ST3GAL3: variants seen among roughly 807,000 people sequenced by gnomAD.
ST3GAL3 encodes the protein ST3 beta-galactoside alpha-2,3-sialyltransferase 3, also known as CMP-N-acetylneuraminate-beta-1,4-galactoside alpha-2,3-sialyltransferase.
ST3GAL3 carries 21 observed loss-of-function variants against 50.1 expected under a neutral mutation model. That is an observed-to-expected ratio of 0.42 (90% CI 0.30 to 0.60). ST3GAL3 has a LOEUF of 0.60. ST3GAL3 is among the 20% of genes least tolerant of loss of function. The pLI, the probability that ST3GAL3 is intolerant of heterozygous loss-of-function variation, is 0.19. For synonymous variants in ST3GAL3, 183 were observed against 190.0 expected (o/e 0.96, Z 0.30); for missense variants, 353 against 489.4 (o/e 0.72, Z 2.63).
At chr1:43,736,141 A>G in intron 1 of ST3GAL3, 92 bp from the exon 2 acceptor site, 2 of 1,247,710 alleles carry the variant, frequency 1.6e-6, no homozygotes, top group South Asian at 2.4e-5. Context: ...GTTATTCTTC[A>G]TTTGGAAATT....
In ST3GAL3 at chr1:43,792,128, G is replaced by T. The variant is rs756909492; in HGVS notation, c.145G>T (p.Ala49Ser). ...TTCAGTGGTTCTTTCCTTTGACTCC[G>T]CTGGACAAACACTAGGCTCAGGTAC... ...SNSVVLSFDS[A>S]GQTLGSEYDR... Residue 49 changes from alanine to serine, a missense_variant, in exon 3 of 12, where the codon GCT becomes TCT. Coordinates refer to ENST00000347631, the MANE Select transcript of ST3GAL3 (RefSeq NM_006279.5). The T allele has an allele frequency of 1.2e-6, 2 of 1,614,034 alleles. No homozygotes were observed. The highest frequency in any genetic ancestry group is 2.7e-5 in the African/African-American group (2 of 74,914).
intron 5 of ST3GAL3, among the ~76,000 whole-genome samples, chr1:43,845,690 CTTTAA>C (rs1171513623): frequency 2.6e-5 from 4 of 151,364 alleles, no homozygotes; most frequent in Non-Finnish European, 5.9e-5. Flanking sequence ...CTTAGTTGGA[CTTTAA>C]TTTATTATTT....
intron 2 of ST3GAL3, among the ~76,000 whole-genome samples, chr1:43,779,770 A>G (rs974159433): frequency 6.6e-6 from 1 of 152,116 alleles, no homozygotes; most frequent in African/African-American, 2.4e-5. Flanking sequence ...CTGGTTTTTC[A>G]TTGTATGTTT....
intron 3 of ST3GAL3, among the ~76,000 whole-genome samples, chr1:43,796,155 A>T (rs756649896): frequency 6.6e-6 from 1 of 152,214 alleles, no homozygotes; most frequent in African/African-American, 2.4e-5. Flanking sequence ...CTCTGATCAG[A>T]GGAGCTATAG....
chr1:43,899,050 T>G lies in ST3GAL3; in HGVS notation c.462-118T>G. On this transcript the variant is annotated intron_variant, in intron 7 of 11. Coordinates refer to ENST00000347631, the MANE Select transcript of ST3GAL3 (RefSeq NM_006279.5). This position sits in a 1 kb window ranked among gnomAD's most constrained non-coding sequence, Gnocchi z 5.4. Reference sequence around the variant, plus strand: ...AAATGCTGCCAGAAGCCCATTGGTCTTCTTCCTCTATCCCAGCCTGGTCCT... The same window carrying G: ...AAATGCTGCCAGAAGCCCATTGGTCGTCTTCCTCTATCCCAGCCTGGTCCT... 4 of 1,452,396 alleles carry G rather than the reference T, an allele frequency of 2.8e-6. No homozygotes were observed. Among genetic ancestry groups the G allele is most frequent in the African/African-American group, 1.4e-5 (1 of 71,532 alleles). 90.0% of individuals were successfully genotyped at this position (1,452,396 alleles called of 1,614,324 possible).
chr1:43,754,232 C>A (rs1687221732), intron 2 of ST3GAL3, among the ~76,000 whole-genome samples: 1 of 152,188 alleles, frequency 6.6e-6, no homozygotes, highest in African/African-American at 2.4e-5. Context: ...CTCTGTCACC[C>A]AGGCTGGAGT....
intron 5 of ST3GAL3, among the ~76,000 whole-genome samples, chr1:43,875,107 G>T (rs1219964505): frequency 6.6e-6 from 1 of 152,202 alleles, no homozygotes; most frequent in Non-Finnish European, 1.5e-5. Flanking sequence ...TGAATGCAAA[G>T]AAGTGATTAT....
chr1:43,711,107 G>A (rs543278682), intron 1 of ST3GAL3, among the ~76,000 whole-genome samples: 85 of 152,316 alleles, frequency 5.6e-4, no homozygotes, highest in African/African-American at 2.0e-3. Flanking sequence ...CCCTTACTGA[G>A]AGATCTGTAT....
chr1:43,794,441 ACT>A (rs35314257), intron 3 of ST3GAL3, among the ~76,000 whole-genome samples: 55,414 of 151,922 alleles, frequency 0.36, 10,834 homozygotes, highest in East Asian at 0.59. Flanking sequence ...TGCAGTGGAA[ACT>A]CTGATTTTCT....
intron 5 of ST3GAL3, among the ~76,000 whole-genome samples, chr1:43,890,143 G>T (rs1251818365): frequency 6.6e-6 from 1 of 152,184 alleles, no homozygotes; most frequent in African/African-American, 2.4e-5. Context: ...AAAATTTTAG[G>T]TGTGATAATG....
intron 2 of ST3GAL3, among the ~76,000 whole-genome samples, chr1:43,766,747 G>A (rs1321045601): frequency 1.3e-5 from 2 of 152,156 alleles, no homozygotes; most frequent in Admixed American, 1.3e-4. Context: ...GAAAAGTAGT[G>A]TTCTGGACTT....
intron 1 of ST3GAL3, among the ~76,000 whole-genome samples, chr1:43,717,905 T>C (rs1362015363): frequency 6.6e-6 from 1 of 151,814 alleles, no homozygotes; most frequent in Non-Finnish European, 1.5e-5. Context: ...GGAGTTTCAC[T>C]CTTGTTGCCC....
chr1:43,866,718 A>G (rs146352966), intron 5 of ST3GAL3, among the ~76,000 whole-genome samples: 12 of 152,290 alleles, frequency 7.9e-5, no homozygotes, highest in African/African-American at 2.6e-4. Flanking sequence ...GTGGTTTGGT[A>G]TGTTTGGCAC....
chr1:43,911,184 C>G (rs949932659), intron 9 of ST3GAL3: 4 of 151,704 alleles, frequency 2.6e-5, no homozygotes, highest in Admixed American at 2.0e-4. Context: ...CTCCGTTGCC[C>G]AGGCTGGAGT....
chr1:43,731,679 G>T (rs1426902498), intron 1 of ST3GAL3, among the ~76,000 whole-genome samples: 3 of 151,178 alleles, frequency 2.0e-5, no homozygotes, highest in Admixed American at 2.0e-4. Flanking sequence ...TTGTAGGCGT[G>T]AGCCACTGCG....
chr1:43,880,799 C>T (rs188560179), intron 5 of ST3GAL3, among the ~76,000 whole-genome samples: 9 of 152,182 alleles, frequency 5.9e-5, no homozygotes, highest in Admixed American at 3.9e-4. Context: ...TTAATACGAA[C>T]GAGGATATAA....
chr1:43,867,978 A>T (rs2071743522), intron 5 of ST3GAL3, among the ~76,000 whole-genome samples: 1 of 152,254 alleles, frequency 6.6e-6, no homozygotes, highest in Non-Finnish European at 1.5e-5. Context: ...ATAATAAAGT[A>T]TAAAATGTGG....
intron 4 of ST3GAL3, among the ~76,000 whole-genome samples, chr1:43,833,146 A>G (rs2063771469): frequency 6.6e-6 from 1 of 152,188 alleles, no homozygotes; most frequent in Non-Finnish European, 1.5e-5. Flanking sequence ...AATGTCCATC[A>G]CTGATCTGTA....
intron 5 of ST3GAL3, among the ~76,000 whole-genome samples, chr1:43,875,985 T>A (rs1408376219): frequency 6.7e-6 from 1 of 150,056 alleles, no homozygotes; most frequent in Non-Finnish European, 1.5e-5. Context: ...TTATTATTTT[T>A]GAGACAGGGT....
Sources: allele counts gnomAD v4.1 joint callset (sites outside exome capture counted in the v4.1 genomes callset), GRCh38; gene constraint gnomAD v4.1.1; non-coding constraint Gnocchi (gnomAD v3.1); transcripts MANE v1.5; gene names NCBI Gene and HGNC (gene_info 2026-07-23, HGNC 2026-07-21).